Variants in ANK3 observed in about 807,000 individuals in gnomAD.
ANK3 encodes the protein ankyrin 3.
A neutral mutation model predicts 370.9 loss-of-function variants in ANK3; 57 were observed. The ratio of observed to expected loss-of-function variants is 0.15; its 90% CI spans 0.12 to 0.19. ANK3 has a LOEUF of 0.19. Ranked by LOEUF, ANK3 falls within the 10% of genes least tolerant of loss-of-function variation. The probability of loss-of-function intolerance (pLI) is 1.00; values close to 1 mark genes in which losing one functional copy is unlikely to be tolerated. For missense variants in ANK3, 4,439 were observed against 5,302.1 expected, an observed-to-expected ratio of 0.84 and a Z score of 5.06; for synonymous variants, 1,929 against 1,946.3, an observed-to-expected ratio of 0.99 and a Z score of 0.23.
rs144288062 is a variant in ANK3 at position 60,105,917 on chromosome 10, C to A, written c.3316G>T (p.Gly1106Cys). Reference protein sequence around the residue: ...KNEDLTELLNGMDEELDSPEE... With the variant: ...KNEDLTELLNCMDEELDSPEE... ...CCATCATTATTACCTTCATCCATGC[C>A]ATTAAGTAACTCGGTTAAATCTTCA... Residue 1106 changes from glycine to cysteine, a missense_variant, in exon 28 of 44, where the codon GGC becomes TGC. Gly to Cys is a radical substitution (Grantham distance 159). Coordinates refer to ENST00000280772, the MANE Select transcript of ANK3 (RefSeq NM_020987.5). 1 of 1,610,268 alleles carries A rather than the reference C, an allele frequency of 6.2e-7. No individual in the cohort carries two copies. The highest frequency in any genetic ancestry group is 1.3e-5 in the African/African-American group (1 of 74,804).
In ANK3 at chr10:60,469,297, A is replaced by ACATATACCACTTTTAGTGTG. The variant is rs1376246552; in HGVS notation, c.96+145888_96+145889insCACACTAAAAGTGGTATATG. Among the ~76,000 whole-genome samples, 15 of 147,608 alleles carry ACATATACCACTTTTAGTGTG rather than the reference A, an allele frequency of 1.0e-4. 1 individual carries two copies. Among genetic ancestry groups the ACATATACCACTTTTAGTGTG allele is most frequent in the African/African-American group, 1.5e-4 (6 of 40,944 alleles). On this transcript the variant is annotated intron_variant, in intron 2 of 43. Coordinates refer to the ANK3 transcript ENST00000373827. ...CCATTTTTAGTGTGTGTATATATAT[A>ACATATACCACTTTTAGTGTG]TATATATATACCACTTTTAGTGTAT...
intron 1 of ANK3, chr10:60,684,544 A>G: frequency 6.3e-7 from 1 of 1,580,232 alleles, no homozygotes; most frequent in Non-Finnish European, 8.6e-7. Flanking sequence ...TATCCTGTCC[A>G]GTCTGCCTTC....
chr10:60,030,791 CTTTGGTG>C (rs1420349749), intron 43 of ANK3, among the ~76,000 whole-genome samples: 1 of 152,186 alleles, frequency 6.6e-6, no homozygotes, highest in African/African-American at 2.4e-5. Flanking sequence ...AAACCTGGTG[CTTTGGTG>C]TTTGGTGTTC....
At chr10:60,279,240 C>T in intron 2 of ANK3, 92 bp from the exon 3 acceptor site, 2 of 1,096,824 alleles carry the variant, frequency 1.8e-6, no homozygotes, top group South Asian at 2.5e-5. Flanking sequence ...TATAAAGTCC[C>T]ACCTGATGAT....
intron 2 of ANK3, among the ~76,000 whole-genome samples, chr10:60,566,648 G>A (rs1301690561): frequency 6.6e-6 from 1 of 152,176 alleles, no homozygotes; most frequent in East Asian, 1.9e-4. Flanking sequence ...CAAGATTGGA[G>A]GATTGCTCGA....
intron 42 of ANK3, among the ~76,000 whole-genome samples, chr10:60,046,654 G>A (rs974645048): frequency 9.9e-5 from 15 of 151,998 alleles, no homozygotes; most frequent in African/African-American, 3.6e-4. Flanking sequence ...AGATTAGATA[G>A]GAGTTGATTA....
intron 7 of ANK3, among the ~76,000 whole-genome samples, chr10:60,253,043 A>G (rs1223786312): frequency 6.6e-6 from 1 of 152,244 alleles, no homozygotes; most frequent in African/African-American, 2.4e-5. Context: ...ATGGATGATT[A>G]GGCTGAAACA....
At position 60,420,452 on chromosome 10, in the gene ANK3, G is replaced by T. The variant is rs185280833; in HGVS notation, c.97-140813C>A. 2.4e-4 allele frequency among the ~76,000 whole-genome samples: 37 copies of T among 152,076 alleles called. No individual in the cohort carries two copies. In the East Asian group the frequency reaches 5.8e-3, roughly 24 times the overall value. On this transcript the variant is annotated intron_variant, in intron 2 of 43. Coordinates refer to the ANK3 transcript ENST00000373827. The stretch of plus-strand genomic sequence containing the variant: ...ATCAGAAGAGAGAGAATGACCCCAG[G>T]CCTTTTGGCACAGTCTTTCCTCTTC...
intron 23 of ANK3, among the ~76,000 whole-genome samples, chr10:60,161,190 A>T (rs1187877480): frequency 2.0e-5 from 3 of 152,184 alleles, no homozygotes; most frequent in Non-Finnish European, 4.4e-5. Context: ...AATTTAGTAA[A>T]ATTCAAGATA....
chr10:60,138,215 C>A (rs986967853), intron 24 of ANK3, among the ~76,000 whole-genome samples: 2 of 152,130 alleles, frequency 1.3e-5, no homozygotes, highest in Non-Finnish European at 2.9e-5. Context: ...GGAAAATGTC[C>A]TCAGGGCTCT....
At chr10:60,311,836 C>G (rs1037978928) in intron 1 of ANK3, among the ~76,000 whole-genome samples, 1 of 152,162 alleles carries the variant, frequency 6.6e-6, no homozygotes, top group Non-Finnish European at 1.5e-5. Context: ...TTCCTGGCCA[C>G]TCAATCTAAA....
At chr10:60,641,093 A>G (rs935268332) in intron 1 of ANK3, among the ~76,000 whole-genome samples, 1 of 150,914 alleles carries the variant, frequency 6.6e-6, no homozygotes, top group African/African-American at 2.4e-5. Context: ...GGACCTCTTC[A>G]AGGAGAACTA....
chr10:60,475,568 T>C (rs2075041229), intron 2 of ANK3, among the ~76,000 whole-genome samples: 1 of 152,202 alleles, frequency 6.6e-6, no homozygotes, highest in Admixed American at 6.5e-5. Context: ...CAAAAGCATC[T>C]GAACAAAAAC....
intron 28 of ANK3, among the ~76,000 whole-genome samples, chr10:60,094,985 C>T (rs987813039): frequency 1.6e-4 from 24 of 152,132 alleles, no homozygotes; most frequent in African/African-American, 4.3e-4. Context: ...AAATAGAGAA[C>T]GAAATCCCCA....
intron 25 of ANK3, among the ~76,000 whole-genome samples, chr10:60,131,515 A>T (rs556685298): frequency 8.5e-5 from 13 of 152,284 alleles, no homozygotes; most frequent in Admixed American, 7.8e-4. Flanking sequence ...GGTATTTTTG[A>T]GTTGGAAGCA....
rs111779148 is a variant in ANK3, at chr10:60,134,426, TA to T, written c.2739-54del. ...CAGTGGTAGATGATGATGAGATGAA[TA>T]AAAAAAAATTAATGCATGCAACTTT... On this transcript the variant is annotated intron_variant, in intron 24 of 43. Transcript: ENST00000280772. 10,127 of 1,382,538 alleles carry T rather than the reference TA, an allele frequency of 7.3e-3. 552 individuals are homozygous for T. In the African/African-American group the frequency reaches 0.12, roughly 17 times the overall value. 85.6% of individuals were successfully genotyped at this position (1,382,538 alleles called of 1,614,324 possible).
At chr10:60,541,194 G>A (rs1349120250) in intron 2 of ANK3, among the ~76,000 whole-genome samples, 1 of 151,910 alleles carries the variant, frequency 6.6e-6, no homozygotes, top group African/African-American at 2.4e-5. Flanking sequence ...ATTTACATAT[G>A]TAATGAAAAT....
At chr10:60,202,197 C>T (rs1383246375) in intron 12 of ANK3, among the ~76,000 whole-genome samples, 1 of 152,128 alleles carries the variant, frequency 6.6e-6, no homozygotes, top group Non-Finnish European at 1.5e-5. Flanking sequence ...TCTCAGCTCA[C>T]CGCAACCTCC....
intron 2 of ANK3, among the ~76,000 whole-genome samples, chr10:60,519,044 A>G (rs905738013): frequency 2.5e-4 from 38 of 152,120 alleles, no homozygotes; most frequent in African/African-American, 8.7e-4. Flanking sequence ...TTTTCTGTAG[A>G]TGCTGGAGAG....
Sources: gnomAD v4.1 joint callset for allele counts (sites outside exome capture counted in the v4.1 genomes callset) on GRCh38, gnomAD v4.1.1 for gene constraint, MANE v1.5 for transcripts, NCBI Gene and HGNC (gene_info 2026-07-23, HGNC 2026-07-21) for gene names.